Variants in C12orf42 observed in about 807,000 individuals in gnomAD.
C12orf42 encodes the protein uncharacterized protein C12orf42.
Under a neutral mutation model 21.6 loss-of-function variants are expected in C12orf42, and 25 were observed. The ratio of observed to expected loss-of-function variants is 1.16; its 90% CI spans 0.84 to 1.62. The LOEUF (loss-of-function observed/expected upper bound fraction) is 1.62, where lower values mean the gene tolerates loss of function less well. C12orf42 is among the 40% of genes most tolerant of loss of function. The pLI, the probability that C12orf42 is intolerant of heterozygous loss-of-function variation, is 0.00. For missense variants in C12orf42, 483 were observed against 459.3 expected (o/e 1.05, Z -0.47); for synonymous variants, 174 against 175.0 (o/e 0.99, Z 0.05).
the C12orf42 span, among the ~76,000 whole-genome samples, chr12:103,146,560 A>G: frequency 1.7e-5 from 2 of 120,054 alleles, no homozygotes; most frequent in African/African-American, 6.6e-5. Context: ...ATAAAGAAAG[A>G]AAAGAAAGAA....
At chr12:103,365,376 C>G (rs112997192) in intron 4 of C12orf42, among the ~76,000 whole-genome samples, 1 of 151,860 alleles carries the variant, frequency 6.6e-6, no homozygotes, top group African/African-American at 2.4e-5. Flanking sequence ...TACTACAGAA[C>G]GAGGAAAAGT....
At chr12:103,145,035 G>A in the C12orf42 span, among the ~76,000 whole-genome samples, 1 of 152,136 alleles carries the variant, frequency 6.6e-6, no homozygotes, top group East Asian at 1.9e-4. Context: ...CCTGTCTTCA[G>A]TAGACATCAT....
At chr12:103,094,808 T>C in the C12orf42 span, among the ~76,000 whole-genome samples, 1 of 152,188 alleles carries the variant, frequency 6.6e-6, no homozygotes, top group Non-Finnish European at 1.5e-5. Flanking sequence ...ATGTGTCCGG[T>C]TGGATTGAAC....
In C12orf42 at chr12:103,247,631, T is replaced by C. The variant is rs915370937; in HGVS notation, c.*1367-9729A>G. 7.9e-5 allele frequency among the ~76,000 whole-genome samples: 12 copies of C among 152,030 alleles called. No individual in the cohort carries two copies. In the East Asian group the frequency reaches 2.1e-3, roughly 27 times the overall value. On this transcript the variant is annotated intron_variant and NMD_transcript_variant, in intron 10 of 10. Coordinates refer to the C12orf42 transcript ENST00000547347. ...CCACCCCAATTCTTCTTTTCCTTTC[T>C]AATGAGTTCTTCTCCCTTTAAGATT...
At chr12:103,250,925 C>T (rs2034269158) in intron 10 of C12orf42, among the ~76,000 whole-genome samples, 1 of 151,272 alleles carries the variant, frequency 6.6e-6, no homozygotes, top group Admixed American at 6.6e-5. Flanking sequence ...TGAATGAGTC[C>T]ATCTACTCCC....
At chr12:103,058,879 G>GA in the C12orf42 span, among the ~76,000 whole-genome samples, 1 of 152,136 alleles carries the variant, frequency 6.6e-6, no homozygotes, top group Non-Finnish European at 1.5e-5. Context: ...CAGAAAGTGT[G>GA]AAAGATCTCA....
At chr12:103,472,100 G>T (rs1953667498) in intron 2 of C12orf42, 1 of 130,540 alleles carries the variant, frequency 7.7e-6, no homozygotes, top group Admixed American at 9.0e-5. Context: ...TGTCGCCCAG[G>T]CTGGAGTGCA....
At chr12:103,539,246 T>C in the C12orf42 span, among the ~76,000 whole-genome samples, 6 of 152,166 alleles carry the variant, frequency 3.9e-5, no homozygotes, top group Non-Finnish European at 7.4e-5. Flanking sequence ...AGAGTGAGAA[T>C]TGAGTTTAGG....
At chr12:103,505,218 A>C in the C12orf42 span, among the ~76,000 whole-genome samples, 1 of 152,200 alleles carries the variant, frequency 6.6e-6, no homozygotes, top group Non-Finnish European at 1.5e-5. Flanking sequence ...TGAGAGAAGG[A>C]GTGTGACATT....
At chr12:103,176,885 T>C in the C12orf42 span, among the ~76,000 whole-genome samples, 1 of 152,224 alleles carries the variant, frequency 6.6e-6, no homozygotes, top group Non-Finnish European at 1.5e-5. Context: ...ATTCATCACT[T>C]ACATTTTAGT....
rs1246200709 is a variant in C12orf42, at chr12:103,372,390, CAT to C, written c.148-3394_148-3393del. ...ATGTTAAAATGCAAATTTTGATTCA[CAT>C]ATGTCTAAGGGGATAAGCCTAGGGA... is the stretch of plus-strand genomic sequence containing the variant. On this transcript the variant is annotated intron_variant, in intron 3 of 5. Transcript: ENST00000548883. Among the ~76,000 whole-genome samples, 7 of 152,144 alleles carry C rather than the reference CAT, an allele frequency of 4.6e-5. No individual in the cohort carries two copies. The East Asian group carries it at 1.2e-3, about 25-fold the overall frequency.
At chr12:103,057,532 C>T in the C12orf42 span, among the ~76,000 whole-genome samples, 2 of 152,124 alleles carry the variant, frequency 1.3e-5, no homozygotes, top group Non-Finnish European at 1.5e-5. Context: ...GACATGATCT[C>T]ATTCTTTTTT....
At chr12:103,068,303 A>G in the C12orf42 span, among the ~76,000 whole-genome samples, 1 of 152,090 alleles carries the variant, frequency 6.6e-6, no homozygotes, top group African/African-American at 2.4e-5. Context: ...TGACTTCAGC[A>G]TTTAAGTATT....
At chr12:103,241,830 CAT>C (rs892488053) in intron 10 of C12orf42, among the ~76,000 whole-genome samples, 10 of 152,162 alleles carry the variant, frequency 6.6e-5, no homozygotes, top group Non-Finnish European at 1.0e-4. Context: ...AGCCTGAAAA[CAT>C]GTGTGTTACA....
intron 3 of C12orf42, chr12:103,396,768 G>A (rs1161654604): frequency 6.6e-6 from 1 of 152,264 alleles, no homozygotes; most frequent in Admixed American, 6.5e-5. Flanking sequence ...AAGTGTGCTT[G>A]GAGGACTGAG....
chr12:103,267,437 TATAC>T (rs1246106529), downstream of C12orf42, among the ~76,000 whole-genome samples: 2 of 152,060 alleles, frequency 1.3e-5, no homozygotes, highest in Non-Finnish European at 2.9e-5. Context: ...AACATATATG[TATAC>T]ATACATATAC....
chr12:103,488,342 C>G (rs1418628935), intron 1 of C12orf42, among the ~76,000 whole-genome samples: 2 of 152,202 alleles, frequency 1.3e-5, no homozygotes, highest in East Asian at 3.8e-4. Flanking sequence ...ATGGGCTTCC[C>G]TTTGTGGGTA....
the C12orf42 span, among the ~76,000 whole-genome samples, chr12:103,171,014 T>C: frequency 6.6e-6 from 1 of 152,146 alleles, no homozygotes; most frequent in Non-Finnish European, 1.5e-5. Context: ...CTTTTTATGT[T>C]ATATGCTCCT....
intron 2 of C12orf42, among the ~76,000 whole-genome samples, chr12:103,422,239 C>T (rs2049977123): frequency 6.6e-6 from 1 of 152,094 alleles, no homozygotes; most frequent in South Asian, 2.1e-4. Context: ...TTTAAAGGGG[C>T]TAATCAAGGA....
Sources: gnomAD v4.1 joint callset for allele counts (sites outside exome capture counted in the v4.1 genomes callset) on GRCh38, gnomAD v4.1.1 for gene constraint, MANE v1.5 for transcripts, NCBI Gene and HGNC (gene_info 2026-07-23, HGNC 2026-07-21) for gene names.